Variants in CAPS2 observed in about 807,000 individuals in gnomAD.
CAPS2 encodes calcyphosine 2.
CAPS2 carries 98 observed loss-of-function variants against 86.5 expected under a neutral mutation model. The observed-to-expected ratio is 1.13, with a 90% CI of 0.96 to 1.34. CAPS2 has a LOEUF of 1.34. Ranked by LOEUF, CAPS2 falls within the 40% of genes most tolerant of loss-of-function variation. CAPS2 has a pLI of 0.00. For synonymous variants in CAPS2, 210 were observed against 225.1 expected (o/e 0.93, Z 0.60); for missense variants, 729 against 686.8 (o/e 1.06, Z -0.69).
upstream of CAPS2, among the ~76,000 whole-genome samples, chr12:75,332,792 A>G (rs1228378979): frequency 6.6e-6 from 1 of 152,232 alleles, no homozygotes; most frequent in Non-Finnish European, 1.5e-5. Context: ...ACAATCTGAT[A>G]GAGAAGGCAG....
At chr12:75,340,903 G>A (rs1311389570) in intron 1 of CAPS2, among the ~76,000 whole-genome samples, 1 of 151,666 alleles carries the variant, frequency 6.6e-6, no homozygotes, top group Admixed American at 6.6e-5. Flanking sequence ...AATTAGGAAA[G>A]CAAAAATAAA....
chr12:75,369,453 T>G (rs1211377606), intron 1 of CAPS2: 21 of 886,086 alleles, frequency 2.4e-5, no homozygotes, highest in Non-Finnish European at 2.7e-5. Context: ...GTCAAAAAAA[T>G]TAATTAATTA....
chr12:75,343,769 A>C, intron 1 of CAPS2: 1 of 1,613,118 alleles, frequency 6.2e-7, no homozygotes, highest in Non-Finnish European at 8.5e-7. Context: ...GACTGTTTGG[A>C]TAAATCATAT....
At chr12:75,376,288 T>C (rs766255851) in intron 1 of CAPS2, among the ~76,000 whole-genome samples, 16 of 152,210 alleles carry the variant, frequency 1.1e-4, no homozygotes, top group Non-Finnish European at 1.5e-4. Flanking sequence ...TCCAACTTTA[T>C]GTTTCTTCCA....
intron 7 of CAPS2, chr12:75,305,775 T>C (rs762278014): frequency 9.8e-6 from 7 of 716,430 alleles, no homozygotes; most frequent in African/African-American, 1.8e-5. Flanking sequence ...TTTCCAGACA[T>C]GGTGAAGGAT....
At chr12:75,276,933 T>C, downstream of CAPS2, 1 of 984,762 alleles carries the variant, frequency 1.0e-6, no homozygotes, top group Middle Eastern at 5.2e-4. Context: ...TGTGGATGTT[T>C]GAAATGTCAC....
At chr12:75,383,544 T>C (rs1451158988) in intron 1 of CAPS2, among the ~76,000 whole-genome samples, 1 of 152,108 alleles carries the variant, frequency 6.6e-6, no homozygotes, top group Non-Finnish European at 1.5e-5. Flanking sequence ...GAGACAAAAC[T>C]GATAGAATGA....
At chr12:75,326,746 T>C (rs888563914), upstream of CAPS2, among the ~76,000 whole-genome samples, 1 of 152,184 alleles carries the variant, frequency 6.6e-6, no homozygotes, top group Non-Finnish European at 1.5e-5. Context: ...CCTCAGACCC[T>C]GTAAATATAC....
At chr12:75,356,893 AAAG>A (rs775352767) in intron 1 of CAPS2, among the ~76,000 whole-genome samples, 3 of 152,156 alleles carry the variant, frequency 2.0e-5, no homozygotes, top group Admixed American at 2.0e-4. Context: ...AACATCAGTC[AAAG>A]AAGGCTACAG....
chr12:75,390,006 T>G (rs938612941), intron 1 of CAPS2, among the ~76,000 whole-genome samples: 1 of 152,206 alleles, frequency 6.6e-6, no homozygotes, highest in Non-Finnish European at 1.5e-5. Context: ...CACAGACAAT[T>G]TTTAAAAGCA....
rs2034626586 is a variant in CAPS2, at chr12:75,285,064, C to T, written c.1412G>A (p.Trp471Ter). 3.7e-6 allele frequency: 6 copies of T among 1,608,610 alleles called. No homozygotes were observed. The highest frequency in any genetic ancestry group is 5.1e-6 in the Non-Finnish European group (6 of 1,177,960). ...ATTGCCATTGTCATTCAGAATTAGC[C>T]ATGCAGACTCAAAATCCTAGAAACA... Residue 471 changes from tryptophan (W) to a stop codon, truncating the protein, a stop_gained, in exon 15 of 17, where the codon TGG becomes TAG. Transcript: ENST00000393284. LOFTEE classifies it high-confidence loss of function.
At chr12:75,305,478 C>A in intron 7 of CAPS2, 1 of 577,302 alleles carries the variant, frequency 1.7e-6, no homozygotes. Context: ...TGAGCGACCC[C>A]AACTTTGCAG....
Position 75,279,762 on chromosome 12 carries a change from G to A in CAPS2, c.1613-697C>T, listed in dbSNP as rs553789467. Reference sequence around the variant, plus strand: ...TAAAAAGACTGAATAATGGTGCTACGTAGAGATGGTAATATAAAATAATAA... The same window carrying A: ...TAAAAAGACTGAATAATGGTGCTACATAGAGATGGTAATATAAAATAATAA... On this transcript the variant is annotated intron_variant, in intron 16 of 16. Transcript: ENST00000393284. Among the ~76,000 whole-genome samples the A allele has an allele frequency of 7.9e-5, 12 of 152,034 alleles. No individual in the cohort carries two copies. The East Asian group carries it at 1.7e-3, about 22-fold the overall frequency.
intron 7 of CAPS2, chr12:75,305,319 A>G (rs1042027796): frequency 1.4e-5 from 4 of 276,820 alleles, no homozygotes; most frequent in Admixed American, 9.7e-5. Flanking sequence ...AAGGCATCCT[A>G]GAAGAGGAGA....
Position 75,375,078 on chromosome 12 carries a change from TC to T in CAPS2, c.-395+15759del, listed in dbSNP as rs566154677. Reference sequence around the variant, plus strand: ...AATATTGTTTTTGATTTACTATTTTTCTAGGTAGAGGCATCTCTAATGGCTT... The same window carrying T: ...AATATTGTTTTTGATTTACTATTTTTTAGGTAGAGGCATCTCTAATGGCTT... On this transcript the variant is annotated intron_variant, in intron 1 of 5. Transcript: ENST00000551829. 3.9e-5 allele frequency among the ~76,000 whole-genome samples: 6 copies of T among 152,286 alleles called. No individual in the cohort carries two copies. In the South Asian group the frequency reaches 1.2e-3, roughly 32 times the overall value.
upstream of CAPS2, among the ~76,000 whole-genome samples, chr12:75,328,765 C>G (rs1469553716): frequency 3.9e-5 from 6 of 152,124 alleles, no homozygotes; most frequent in Non-Finnish European, 8.8e-5. Flanking sequence ...ATTTGCTCAC[C>G]CTATGTCTCA....
At chr12:75,277,241 A>G (rs2033093454) in exon 17 of CAPS2, 43 of 969,656 alleles carry the variant, frequency 4.4e-5, no homozygotes, top group Non-Finnish European at 5.1e-5. Context: ...ATAACAGACT[A>G]TACATTTTCT....
upstream of CAPS2, chr12:75,329,725 A>G: frequency 1.2e-6 from 1 of 865,162 alleles, no homozygotes; most frequent in South Asian, 2.4e-5. Context: ...AGACCCAGAT[A>G]TCTGAATTGA....
intron 11 of CAPS2, among the ~76,000 whole-genome samples, chr12:75,296,612 T>G (rs1479208557): frequency 3.3e-5 from 5 of 152,126 alleles, no homozygotes. Flanking sequence ...TTTATGCAGG[T>G]GCATCTATGG....
Sources: allele counts gnomAD v4.1 joint callset (sites outside exome capture counted in the v4.1 genomes callset), GRCh38; gene constraint gnomAD v4.1.1; transcripts MANE v1.5; gene names NCBI Gene and HGNC (gene_info 2026-07-23, HGNC 2026-07-21).